The following MMP16 variants were observed in gnomAD, a reference collection of about 807,000 sequenced individuals.
The protein encoded by MMP16 is matrix metallopeptidase 16, also known as matrix metalloproteinase-16.
A neutral mutation model predicts 67.8 loss-of-function variants in MMP16; 12 were observed. The observed-to-expected ratio is 0.18, with a 90% CI of 0.11 to 0.29. The LOEUF (loss-of-function observed/expected upper bound fraction) is 0.29, where lower values mean the gene tolerates loss of function less well. Ranked by LOEUF, MMP16 falls within the 10% of genes least tolerant of loss-of-function variation. The pLI is 1.00. For missense variants in MMP16, 475 were observed against 765.7 expected (o/e 0.62, Z 4.48); for synonymous variants, 249 against 255.9 (o/e 0.97, Z 0.26).
chr8:88,118,017 T>C (rs941553526), intron 5 of MMP16, among the ~76,000 whole-genome samples: 3 of 152,214 alleles, frequency 2.0e-5, no homozygotes, highest in Middle Eastern at 3.4e-3. Context: ...GTTACGATTA[T>C]AGTAAATATG....
intron 6 of MMP16, among the ~76,000 whole-genome samples, chr8:88,095,436 A>G (rs1809009832): frequency 6.6e-6 from 1 of 151,796 alleles, no homozygotes; most frequent in Admixed American, 6.6e-5. Flanking sequence ...TTACTTCCCC[A>G]TCCGTACCAT....
intron 1 of MMP16, among the ~76,000 whole-genome samples, chr8:88,209,253 T>G (rs999601897): frequency 2.6e-5 from 4 of 152,104 alleles, no homozygotes; most frequent in Non-Finnish European, 5.9e-5. Context: ...GAAAACAGCA[T>G]GACCAACCCC....
intron 9 of MMP16, among the ~76,000 whole-genome samples, chr8:88,042,912 A>G (rs1808151223): frequency 6.6e-6 from 1 of 152,154 alleles, no homozygotes; most frequent in African/African-American, 2.4e-5. Flanking sequence ...TTGTCCTTTG[A>G]GATAAAATTC....
chr8:88,254,905 T>C (rs1034211895), intron 1 of MMP16, among the ~76,000 whole-genome samples: 1 of 152,176 alleles, frequency 6.6e-6, no homozygotes, highest in African/African-American at 2.4e-5. Context: ...TACATCACTA[T>C]AAGATATTAA....
Position 88,284,972 on chromosome 8 carries a change from G to T in MMP16, c.132+42103C>A, listed in dbSNP as rs540235612. On this transcript the variant is annotated intron_variant, in intron 1 of 9. Transcript: ENST00000286614. ...AGGTAAACTTCCCTGATTTTTGCTA[G>T]TCCTTATTATGGGCCTCTGTTAATA... Among the ~76,000 whole-genome samples, 139 of 151,622 alleles carry T rather than the reference G, an allele frequency of 9.2e-4. 1 individual carries two copies. The highest frequency in any genetic ancestry group is 1.8e-3 in the Non-Finnish European group (121 of 67,962).
chr8:88,298,912 G>A (rs755051714), intron 1 of MMP16, among the ~76,000 whole-genome samples: 1 of 151,660 alleles, frequency 6.6e-6, no homozygotes, highest in Non-Finnish European at 1.5e-5. Flanking sequence ...TAGCTACTGA[G>A]TTTTTAATCA....
intron 4 of MMP16, among the ~76,000 whole-genome samples, chr8:88,165,960 C>A (rs1808704187): frequency 6.6e-6 from 1 of 152,096 alleles, no homozygotes; most frequent in South Asian, 2.1e-4. Context: ...ACAGCACATG[C>A]AACTATTAAT....
intron 8 of MMP16, among the ~76,000 whole-genome samples, chr8:88,050,042 C>T (rs576977714): frequency 6.6e-6 from 1 of 151,656 alleles, no homozygotes; most frequent in East Asian, 2.0e-4. Context: ...TAATAATAGG[C>T]CAGGCATGGT....
chr8:88,216,039 G>T (rs1338499270), intron 1 of MMP16, among the ~76,000 whole-genome samples: 1 of 152,136 alleles, frequency 6.6e-6, no homozygotes, highest in Non-Finnish European at 1.5e-5. Flanking sequence ...CATAGAAGAA[G>T]AATTACGTAT....
chr8:88,306,583 A>C (rs1383469182), intron 1 of MMP16, among the ~76,000 whole-genome samples: 1 of 152,072 alleles, frequency 6.6e-6, no homozygotes, highest in African/African-American at 2.4e-5. Flanking sequence ...TATGCACTAC[A>C]ATCAAGTTGG....
intron 1 of MMP16, among the ~76,000 whole-genome samples, chr8:88,205,602 C>A (rs190328556): frequency 5.3e-5 from 8 of 152,292 alleles, no homozygotes; most frequent in African/African-American, 1.9e-4. Flanking sequence ...ATTTCACTTA[C>A]GGCCATTTCA....
Position 88,036,679 on chromosome 8 carries a change from T to C in MMP16, c.*4782A>G, listed in dbSNP as rs949130360. The C allele has an allele frequency of 4.0e-5, 6 of 151,764 alleles. No homozygotes were observed. The highest frequency in any genetic ancestry group is 2.6e-4 in the Admixed American group (4 of 15,176). 9.4% of individuals were successfully genotyped at this position (151,764 alleles called of 1,614,324 possible). ...CGAATGATTAGATCCTCTTATATGATTGACTTGACACATTTTGTGATATTA... is the reference window on the plus strand; with the variant it reads ...CGAATGATTAGATCCTCTTATATGACTGACTTGACACATTTTGTGATATTA... On this transcript the variant is annotated 3_prime_UTR_variant, in exon 10 of 10. Transcript: ENST00000286614.
At chr8:88,322,946 C>T (rs1270390226) in intron 1 of MMP16, among the ~76,000 whole-genome samples, 2 of 152,128 alleles carry the variant, frequency 1.3e-5, no homozygotes, top group Non-Finnish European at 2.9e-5. Context: ...CTTATCATAG[C>T]TTTGGGCCCT....
chr8:88,222,927 A>T (rs1346621044), intron 1 of MMP16, among the ~76,000 whole-genome samples: 2 of 152,176 alleles, frequency 1.3e-5, no homozygotes, highest in Non-Finnish European at 2.9e-5. Flanking sequence ...AATGGGAGAA[A>T]ATTTTTGCAA....
chr8:88,198,712 A>C (rs1809294876), intron 1 of MMP16, among the ~76,000 whole-genome samples: 1 of 152,078 alleles, frequency 6.6e-6, no homozygotes, highest in Non-Finnish European at 1.5e-5. Flanking sequence ...TTGAAAATAA[A>C]AAAAAAACCC....
At chr8:88,082,166 G>GAC (rs150052923) in intron 6 of MMP16, among the ~76,000 whole-genome samples, 88 of 151,118 alleles carry the variant, frequency 5.8e-4, no homozygotes, top group Admixed American at 1.8e-3. Context: ...CGCACACACA[G>GAC]ACACACACAC....
chr8:88,247,440 G>A (rs997468690), intron 1 of MMP16, among the ~76,000 whole-genome samples: 1 of 152,068 alleles, frequency 6.6e-6, no homozygotes, highest in Admixed American at 6.6e-5. Context: ...TGACAGCTAT[G>A]GAGGAAACAC....
At chr8:88,297,197 C>G (rs1182727598) in intron 1 of MMP16, among the ~76,000 whole-genome samples, 1 of 151,998 alleles carries the variant, frequency 6.6e-6, no homozygotes, top group African/African-American at 2.4e-5. Context: ...AAGAGTAACC[C>G]CCAAGAATAA....
intron 1 of MMP16, among the ~76,000 whole-genome samples, chr8:88,231,956 A>T (rs28904608): frequency 0.013 from 1,932 of 152,296 alleles, 32 homozygotes; most frequent in African/African-American, 0.043. Flanking sequence ...AGATTCTAAC[A>T]TGATCGAGTG....
Sources: allele counts gnomAD v4.1 joint callset (sites outside exome capture counted in the v4.1 genomes callset), GRCh38; gene constraint gnomAD v4.1.1; transcripts MANE v1.5; gene names NCBI Gene and HGNC (gene_info 2026-07-23, HGNC 2026-07-21).